PPP6C: variants seen among roughly 807,000 people sequenced by gnomAD.
PPP6C encodes the protein protein phosphatase 6 catalytic subunit.
A neutral mutation model predicts 39.8 loss-of-function variants in PPP6C; 11 were observed. The observed-to-expected ratio is 0.28, with a 90% CI of 0.17 to 0.46. The LOEUF is 0.46. Among genes scored for constraint, PPP6C ranks in the 20% least tolerant of loss-of-function variants. PPP6C has a pLI of 1.00. For missense variants in PPP6C, 211 were observed against 373.9 expected (o/e 0.56, Z 3.59); for synonymous variants, 129 against 130.3 (o/e 0.99, Z 0.07).
intron 6 of PPP6C, chr9:125,150,858 T>G (rs1335355279): frequency 1.3e-6 from 1 of 794,110 alleles, no homozygotes; most frequent in Admixed American, 1.7e-5. Context: ...AATGGTGCCT[T>G]TGATCATGAC....
In PPP6C at chr9:125,182,304, A is replaced by G. The variant is rs954739321; in HGVS notation, c.75+7340T>C. Among the ~76,000 whole-genome samples, 22 of 151,980 alleles carry G rather than the reference A, an allele frequency of 1.4e-4. 1 individual carries two copies. The highest frequency in any genetic ancestry group is 1.4e-3 in the Admixed American group (22 of 15,222). The stretch of plus-strand genomic sequence containing the variant: ...CTAAAACATACTACTTCCTTTATCT[A>G]CTTTTACATACTGGTATTTATAAAA... On this transcript the variant is annotated intron_variant, in intron 1 of 6. Transcript: ENST00000373547.
At chr9:125,178,909 ATTGAGTT>A (rs1829362926) in intron 1 of PPP6C, among the ~76,000 whole-genome samples, 1 of 151,968 alleles carries the variant, frequency 6.6e-6, no homozygotes, top group Admixed American at 6.6e-5. Context: ...TCATTTTCTT[ATTGAGTT>A]TTAAGAGTTA....
intron 1 of PPP6C, among the ~76,000 whole-genome samples, chr9:125,187,242 T>C (rs1829549918): frequency 6.6e-6 from 1 of 151,814 alleles, no homozygotes; most frequent in South Asian, 2.1e-4. Context: ...CCACTGCACC[T>C]GGCCAGATTA....
intron 6 of PPP6C, chr9:125,151,229 G>A: frequency 2.6e-6 from 4 of 1,510,172 alleles, no homozygotes; most frequent in Non-Finnish European, 3.7e-6. Context: ...CACAAAGAAG[G>A]CCAATGAAGT....
At position 125,158,912 on chromosome 9, in the gene PPP6C, C is replaced by T. The variant is rs376207889; in HGVS notation, c.238-530G>A. Among the ~76,000 whole-genome samples, 30 of 151,788 alleles carry T rather than the reference C, an allele frequency of 2.0e-4. No homozygotes were observed. The East Asian group carries it at 5.1e-3, about 26-fold the overall frequency. On this transcript the variant is annotated intron_variant, in intron 3 of 6. Transcript: ENST00000373547. ...AACTCCTGACCTTGTGATCCACCCA[C>T]GTTGGCCTCCCAAAGTGCTGGGATT... is the stretch of plus-strand genomic sequence containing the variant.
intron 6 of PPP6C, chr9:125,150,946 A>G (rs938002201): frequency 8.5e-7 from 1 of 1,175,340 alleles, no homozygotes; most frequent in South Asian, 1.2e-5. Flanking sequence ...CAGGATAATA[A>G]AGAGTCAGGT....
chr9:125,171,223 T>C, intron 1 of PPP6C, 43 bp from the exon 2 acceptor site: 1 of 1,413,732 alleles, frequency 7.1e-7, no homozygotes, highest in South Asian at 1.3e-5. Flanking sequence ...ACTACAACAT[T>C]AAAACTAAAG....
Position 125,149,328 on chromosome 9 carries a change from A to C in PPP6C, c.*345T>G, listed in dbSNP as rs1835881719. ...GAATGATACAAAAGGAGGAGTATTT[A>C]GGTGTAATCTGTCAATTGGCTTTTA... On this transcript the variant is annotated 3_prime_UTR_variant, in exon 7 of 7. Coordinates refer to ENST00000373547, the MANE Select transcript of PPP6C (RefSeq NM_002721.5). The C allele has an allele frequency of 5.4e-6, 1 of 186,256 alleles. No individual in the cohort carries two copies. Among genetic ancestry groups the C allele is most frequent in the Admixed American group, 5.7e-5 (1 of 17,472 alleles). The allele number at this position is 186,256 out of a possible 1,614,324, so 11.5% of individuals were successfully genotyped here.
At chr9:125,163,704 C>T (rs919042038) in intron 2 of PPP6C, among the ~76,000 whole-genome samples, 27 of 151,998 alleles carry the variant, frequency 1.8e-4, no homozygotes, top group African/African-American at 5.6e-4. Context: ...GCTGGGATTA[C>T]AGGCGTGAGC....
chr9:125,158,731 G>A lies in PPP6C; in HGVS notation c.238-349C>T, dbSNP rs955191295. 8.6e-5 allele frequency among the ~76,000 whole-genome samples: 13 copies of A among 151,098 alleles called. 1 individual carries two copies. Among genetic ancestry groups the A allele is most frequent in the Middle Eastern group, 3.4e-3 (1 of 294 alleles). On this transcript the variant is annotated intron_variant, in intron 3 of 6. Coordinates refer to ENST00000373547, the MANE Select transcript of PPP6C (RefSeq NM_002721.5). ...GGCTGGAGTGCAGTGGCACAATCTCGGTTCACTGCAACCTCCGCCTCCCGG... is the reference window on the plus strand; with the variant it reads ...GGCTGGAGTGCAGTGGCACAATCTCAGTTCACTGCAACCTCCGCCTCCCGG...
chr9:125,165,583 C>T (rs980826441), intron 2 of PPP6C, among the ~76,000 whole-genome samples: 8 of 152,062 alleles, frequency 5.3e-5, no homozygotes, highest in African/African-American at 1.7e-4. Context: ...TGCCTCTGCA[C>T]TCAGTCTGTT....
intron 4 of PPP6C, among the ~76,000 whole-genome samples, chr9:125,155,746 T>C (rs983986265): frequency 3.3e-5 from 5 of 151,506 alleles, no homozygotes; most frequent in Admixed American, 6.6e-5. Context: ...TACTAAAAAA[T>C]ACAAAAAAAT....
chr9:125,152,047 G>C (rs1835960335), intron 6 of PPP6C, among the ~76,000 whole-genome samples: 1 of 151,946 alleles, frequency 6.6e-6, no homozygotes, highest in Admixed American at 6.6e-5. Context: ...CCCAAACCTA[G>C]TCCCGGTGGC....
intron 2 of PPP6C, among the ~76,000 whole-genome samples, chr9:125,168,609 TCAC>T (rs1391986542): frequency 1.3e-5 from 2 of 149,828 alleles, no homozygotes; most frequent in Non-Finnish European, 3.0e-5. Flanking sequence ...CAGGCGCCTG[TCAC>T]CACACCTGGC....
intron 4 of PPP6C, among the ~76,000 whole-genome samples, chr9:125,154,860 C>A (rs531406930): frequency 2.0e-5 from 3 of 152,294 alleles, no homozygotes; most frequent in Admixed American, 1.3e-4. Flanking sequence ...CAGGTTCTTA[C>A]AAATTCTCAG....
intron 6 of PPP6C, among the ~76,000 whole-genome samples, chr9:125,152,439 G>A (rs1162912229): frequency 6.6e-6 from 1 of 152,122 alleles, no homozygotes; most frequent in Non-Finnish European, 1.5e-5. Context: ...TGGTATCATA[G>A]TGCCTTTTGA....
chr9:125,173,717 A>G (rs1829230948), intron 1 of PPP6C, among the ~76,000 whole-genome samples: 1 of 151,998 alleles, frequency 6.6e-6, no homozygotes, highest in Admixed American at 6.6e-5. Flanking sequence ...TCCCAGGTTC[A>G]AGCCATTCTC....
Position 125,149,125 on chromosome 9 carries a change from G to A in PPP6C, c.*548C>T, listed in dbSNP as rs1369504819. On this transcript the variant is annotated 3_prime_UTR_variant, in exon 7 of 7. Coordinates refer to ENST00000373547, the MANE Select transcript of PPP6C (RefSeq NM_002721.5). ...AAAATTTAAAAACACAACAAGGAGGGCAGCCCTTTAGACCAATTTATTTTA... is the reference window on the plus strand; with the variant it reads ...AAAATTTAAAAACACAACAAGGAGGACAGCCCTTTAGACCAATTTATTTTA... 1.3e-5 allele frequency: 2 copies of A among 152,154 alleles called. No homozygotes were observed. The highest frequency in any genetic ancestry group is 2.9e-5 in the Non-Finnish European group (2 of 68,052). The allele number at this position is 152,154 out of a possible 1,614,324, so 9.4% of individuals were successfully genotyped here. A position where few individuals can be genotyped will look rare whatever the true frequency, so the allele number is the denominator to read the frequency against.
intron 2 of PPP6C, among the ~76,000 whole-genome samples, chr9:125,167,502 G>A (rs936906168): frequency 6.7e-6 from 1 of 149,984 alleles, no homozygotes; most frequent in African/African-American, 2.5e-5. Flanking sequence ...AGGGGTTCAA[G>A]ACCAGCCTCA....
Sources: allele counts gnomAD v4.1 joint callset (sites outside exome capture counted in the v4.1 genomes callset), GRCh38; gene constraint gnomAD v4.1.1; transcripts MANE v1.5; gene names NCBI Gene and HGNC (gene_info 2026-07-23, HGNC 2026-07-21).